Variants in EPB41L2 observed in about 807,000 individuals in gnomAD.
The protein encoded by EPB41L2 is erythrocyte membrane protein band 4.1 like 2.
A neutral mutation model predicts 113.0 loss-of-function variants in EPB41L2; 43 were observed. The ratio of observed to expected loss-of-function variants is 0.38; its 90% CI spans 0.30 to 0.49. EPB41L2 has a LOEUF of 0.49. Ranked by LOEUF, EPB41L2 falls within the 20% of genes least tolerant of loss-of-function variation. The probability of loss-of-function intolerance (pLI) is 0.95; values close to 1 mark genes in which losing one functional copy is unlikely to be tolerated. For synonymous variants in EPB41L2, 442 were observed against 436.7 expected, an observed-to-expected ratio of 1.01 and a Z score of -0.15; for missense variants, 1,147 against 1,223.4, an observed-to-expected ratio of 0.94 and a Z score of 0.93.
chr6:130,956,328 G>C lies in EPB41L2; in HGVS notation c.158C>G (p.Ala53Gly), dbSNP rs1211300443. Residue 53 changes from alanine (A) to glycine (G), a missense_variant, in exon 2 of 20, where the codon GCT becomes GGT. Coordinates refer to ENST00000337057, the MANE Select transcript of EPB41L2 (RefSeq NM_001431.4). ...GCGGCGTAGACTACTTTGGCTTTCA[G>C]CTGCAGGAGGTGGCTGGGAACCTTT... Reference protein sequence around the residue: ...EEKGSQPPPAAESQSSLRRQK... With the variant: ...EEKGSQPPPAGESQSSLRRQK... 6.2e-7 allele frequency: 1 copy of C among 1,614,086 alleles called. No individual in the cohort carries two copies. The highest frequency in any genetic ancestry group is 2.2e-5 in the East Asian group (1 of 44,876).
chr6:130,903,001 G>A (rs1796709836), intron 6 of EPB41L2, among the ~76,000 whole-genome samples: 1 of 152,144 alleles, frequency 6.6e-6, no homozygotes, highest in South Asian at 2.1e-4. Flanking sequence ...GTACAGGCAG[G>A]TGGCTGGTCT....
chr6:130,974,094 C>T (rs1777552788), intron 1 of EPB41L2, among the ~76,000 whole-genome samples: 1 of 152,088 alleles, frequency 6.6e-6, no homozygotes, highest in Admixed American at 6.5e-5. Flanking sequence ...CCTAAAATTC[C>T]TATGTTAAAT....
chr6:130,851,741 CT>C (rs1778820843), intron 19 of EPB41L2, among the ~76,000 whole-genome samples: 1 of 152,226 alleles, frequency 6.6e-6, no homozygotes, highest in African/African-American at 2.4e-5. Flanking sequence ...CAAAAACATG[CT>C]CATTTGGTTT....
Position 130,901,171 on chromosome 6 carries a change from C to A in EPB41L2, c.939G>T (p.Leu313Phe). 1 of 1,613,278 alleles carries A rather than the reference C, an allele frequency of 6.2e-7. No homozygotes were observed. Among genetic ancestry groups the A allele is most frequent in the Non-Finnish European group, 8.5e-7 (1 of 1,179,918 alleles). Residue 313 changes from leucine (L) to phenylalanine (F), a missense_variant, in exon 7 of 20, where the codon TTG becomes TTT. Transcript: ENST00000337057. ...QLTEDITRYF[L>F]CLQLRQDIAS... ...CAATGTCCTGCCGGAGCTGAAGGCA[C>A]AAGAAGTATCTGTGAGGAGCAGAGG...
chr6:130,910,727 A>G (rs1487682817), intron 4 of EPB41L2, among the ~76,000 whole-genome samples: 6 of 152,264 alleles, frequency 3.9e-5, no homozygotes, highest in East Asian at 3.8e-4. Context: ...ATGAATAGAC[A>G]CTTCTCAAAA....
At chr6:131,001,602 T>C (rs977948888) in intron 1 of EPB41L2, among the ~76,000 whole-genome samples, 1 of 152,096 alleles carries the variant, frequency 6.6e-6, no homozygotes, top group Middle Eastern at 3.2e-3. Context: ...ACCCACCCCA[T>C]GCGTTTGAAA....
In EPB41L2 at chr6:130,867,445, T is replaced by C. The variant is rs754146996; in HGVS notation, c.2730+14A>G. 6.2e-7 allele frequency: 1 copy of C among 1,613,710 alleles called. No homozygotes were observed. Among genetic ancestry groups the C allele is most frequent in the East Asian group, 2.2e-5 (1 of 44,848 alleles). On this transcript the variant is annotated intron_variant, in intron 16 of 19. Coordinates refer to ENST00000337057, the MANE Select transcript of EPB41L2 (RefSeq NM_001431.4). ...AAAAAGAGCTCGAACAGTCCAAGTC[T>C]AGAGCTTTTGTACCTGTGGAGACTC...
chr6:130,923,017 C>T (rs1803392480), intron 4 of EPB41L2, among the ~76,000 whole-genome samples: 1 of 152,162 alleles, frequency 6.6e-6, no homozygotes, highest in African/African-American at 2.4e-5. Flanking sequence ...TCAGAAACTA[C>T]ACTCATGATA....
At chr6:131,030,422 A>G (rs896999271) in intron 1 of EPB41L2, among the ~76,000 whole-genome samples, 21 of 152,220 alleles carry the variant, frequency 1.4e-4, no homozygotes, top group East Asian at 1.9e-4. Context: ...AAAGACTCAT[A>G]TATCTTCTTC....
At chr6:131,055,039 G>C (rs1358948002) in intron 1 of EPB41L2, among the ~76,000 whole-genome samples, 1 of 152,216 alleles carries the variant, frequency 6.6e-6, no homozygotes, top group Non-Finnish European at 1.5e-5. Flanking sequence ...ATGAAAAACA[G>C]TTTGCTGCTT....
chr6:130,871,461 G>C (rs1168277772), intron 14 of EPB41L2, among the ~76,000 whole-genome samples: 2 of 152,106 alleles, frequency 1.3e-5, no homozygotes, highest in Non-Finnish European at 2.9e-5. Context: ...AGCTGCCAAG[G>C]TACTAACTGG....
chr6:130,993,741 T>C (rs1252756904), intron 1 of EPB41L2, among the ~76,000 whole-genome samples: 2 of 152,184 alleles, frequency 1.3e-5, no homozygotes, highest in Non-Finnish European at 2.9e-5. Context: ...AGTTATTCAT[T>C]CCCTTAAGCT....
intron 4 of EPB41L2, 97 bp from the exon 5 acceptor site, chr6:130,908,960 T>C (rs1386065735): frequency 3.1e-6 from 3 of 983,082 alleles, no homozygotes; most frequent in Non-Finnish European, 4.6e-6. Flanking sequence ...AAACACATTT[T>C]AATAAAGTAT....
intron 3 of EPB41L2, among the ~76,000 whole-genome samples, chr6:130,939,673 A>G (rs1810127474): frequency 6.6e-6 from 1 of 152,220 alleles, no homozygotes; most frequent in Non-Finnish European, 1.5e-5. Context: ...AGGGAATACT[A>G]AAGCAACAAA....
intron 8 of EPB41L2, 103 bp downstream of exon 8, chr6:130,899,388 A>G: frequency 1.1e-6 from 1 of 899,960 alleles, no homozygotes; most frequent in Non-Finnish European, 1.8e-6. Context: ...GAAAGCAAAT[A>G]TCCTTTTCCC....
chr6:131,000,315 C>G (rs546095195), intron 1 of EPB41L2, among the ~76,000 whole-genome samples: 1 of 152,226 alleles, frequency 6.6e-6, no homozygotes, highest in South Asian at 2.1e-4. Flanking sequence ...GGGTGCCTAT[C>G]CAGGAAAGCT....
intron 19 of EPB41L2, among the ~76,000 whole-genome samples, chr6:130,841,291 G>C (rs1246146737): frequency 6.6e-6 from 1 of 151,950 alleles, no homozygotes; most frequent in Non-Finnish European, 1.5e-5. Flanking sequence ...TACTACAATG[G>C]TCCAGGGCAG....
intron 1 of EPB41L2, among the ~76,000 whole-genome samples, chr6:130,973,567 A>G (rs1777436899): frequency 6.6e-6 from 1 of 152,228 alleles, no homozygotes; most frequent in South Asian, 2.1e-4. Flanking sequence ...ACTAAGCTAA[A>G]GGGAAAAGTC....
chr6:130,855,833 C>T (rs1433703826), intron 19 of EPB41L2, among the ~76,000 whole-genome samples: 1 of 145,792 alleles, frequency 6.9e-6, no homozygotes, highest in Non-Finnish European at 1.5e-5. Context: ...TTGTATGTAA[C>T]AGGAAGAGCC....
Sources: gnomAD v4.1 joint callset for allele counts (sites outside exome capture counted in the v4.1 genomes callset) on GRCh38, gnomAD v4.1.1 for gene constraint, MANE v1.5 for transcripts, NCBI Gene and HGNC (gene_info 2026-07-23, HGNC 2026-07-21) for gene names.